The following GSG1L2 variants were observed in gnomAD, a reference collection of about 807,000 sequenced individuals.
The protein encoded by GSG1L2 is germ cell-specific gene 1-like protein 2.
GSG1L2 carries 15 observed loss-of-function variants against 9.0 expected under a neutral mutation model. The ratio of observed to expected loss-of-function variants is 1.67; its 90% CI spans 1.12 to 2.57. GSG1L2 has a LOEUF of 2.57. GSG1L2 is among the 30% of genes most tolerant of loss of function. GSG1L2 has a pLI of 0.00. For synonymous variants in GSG1L2, 127 were observed against 57.9 expected (o/e 2.19, Z -5.41); for missense variants, 286 against 150.3 (o/e 1.90, Z -4.72).
At chr17:9,812,293 C>T (rs2066542346) in intron 1 of GSG1L2, among the ~76,000 whole-genome samples, 1 of 151,910 alleles carries the variant, frequency 6.6e-6, no homozygotes, top group Non-Finnish European at 1.5e-5. Flanking sequence ...AGAGAAAACC[C>T]CAAGTAATTT....
Position 9,808,904 on chromosome 17 carries a change from C to T in GSG1L2, c.437G>A (p.Arg146Lys). ...GAACCCAGGGCTGCGACAACTCACT[C>T]TGGAGCCCAGGAGGATGGCGCTTGT... ...ILTSAILLGSRVSCRSPGFHW... is the reference protein window; with the variant it reads ...ILTSAILLGSKVSCRSPGFHW... Residue 146 changes from arginine to lysine, a missense_variant, in exon 3 of 5, where the codon AGA becomes AAA. By Grantham distance (26) the Arg-to-Lys change is conservative. Transcript: ENST00000399363. The T allele has an allele frequency of 1.4e-6, 1 of 703,036 alleles. No individual in the cohort carries two copies. The highest frequency in any genetic ancestry group is 1.5e-5 in the South Asian group (1 of 67,600). 43.5% of individuals were successfully genotyped at this position (703,036 alleles called of 1,614,324 possible).
At position 9,818,417 on chromosome 17, in the gene GSG1L2, T is replaced by G. The variant is rs1437959978; in HGVS notation, c.310+3345A>C. ...GGTGCGATCTCGGCTCACTGCAACC[T>G]CCGCCTCCTGGGTTCTAGCGATTCT... On this transcript the variant is annotated intron_variant, in intron 1 of 4. Coordinates refer to ENST00000399363, the MANE Select transcript of GSG1L2 (RefSeq NM_001310219.2). Among the ~76,000 whole-genome samples, 11 of 151,220 alleles carry G rather than the reference T, an allele frequency of 7.3e-5. No individual in the cohort carries two copies. The South Asian group carries it at 8.4e-4, about 12-fold the overall frequency.
intron 1 of GSG1L2, among the ~76,000 whole-genome samples, chr17:9,814,572 G>A (rs1364502826): frequency 1.3e-5 from 2 of 152,190 alleles, no homozygotes; most frequent in East Asian, 1.9e-4. Context: ...AGTTCAGCTT[G>A]GGCCCAGAGT....
chr17:9,813,114 C>T (rs542008336), intron 1 of GSG1L2, among the ~76,000 whole-genome samples: 3 of 152,310 alleles, frequency 2.0e-5, no homozygotes, highest in Non-Finnish European at 4.4e-5. Context: ...CCAGTCACAG[C>T]ACATGGGAAG....
intron 1 of GSG1L2, among the ~76,000 whole-genome samples, chr17:9,819,526 G>A (rs892556982): frequency 2.0e-5 from 3 of 152,224 alleles, no homozygotes; most frequent in South Asian, 4.1e-4. Context: ...GTGGGACTAA[G>A]TTATGGAGAA....
chr17:9,810,617 A>G lies in GSG1L2; in HGVS notation c.312T>C (p.Asp104=), dbSNP rs1010720456. Residue 104 remains aspartate (D), a splice_region_variant and synonymous_variant, in exon 2 of 5, where the codon GAT becomes GAC. Coordinates refer to ENST00000399363, the MANE Select transcript of GSG1L2 (RefSeq NM_001310219.2). ...QSCEESLNGE[D]EKCRSFRSVV... is the part of the protein sequence containing the mutation. Reference sequence around the variant, plus strand: ...CACTCCGGAAACTCCTACACTTTTCATCTGAAAGATAAAGAGAATGCATCC... The same window carrying G: ...CACTCCGGAAACTCCTACACTTTTCGTCTGAAAGATAAAGAGAATGCATCC... The G allele has an allele frequency of 1.0e-5, 7 of 702,922 alleles. No individual in the cohort carries two copies. The highest frequency in any genetic ancestry group is 3.5e-5 in the African/African-American group (2 of 57,266). The allele number at this position is 702,922 out of a possible 1,614,324, so 43.5% of individuals were successfully genotyped here. A position where few individuals can be genotyped will look rare whatever the true frequency, so the allele number is the denominator to read the frequency against.
rs757921577 is a variant in GSG1L2 at position 9,808,873 on chromosome 17, C to A, written c.468G>T (p.Trp156Cys). 18 of 702,846 alleles carry A rather than the reference C, an allele frequency of 2.6e-5. No homozygotes were observed. In the East Asian group the frequency reaches 4.6e-4, roughly 18 times the overall value. The allele number at this position is 702,846 out of a possible 1,614,324, so 43.5% of individuals were successfully genotyped here. Residue 156 changes from tryptophan to cysteine, a missense_variant, in exon 3 of 5, where the codon TGG becomes TGT. Trp to Cys is a radical substitution (Grantham distance 215). Coordinates refer to ENST00000399363, the MANE Select transcript of GSG1L2 (RefSeq NM_001310219.2). Reference protein sequence around the residue: ...RVSCRSPGFHWLRVDALVAIF... With the variant: ...RVSCRSPGFHCLRVDALVAIF... ...TGGCTACCAAGGCATCCACCCTGAG[C>A]CAGTGGAACCCAGGGCTGCGACAAC...
At chr17:9,814,033 C>G (rs964133172) in intron 1 of GSG1L2, among the ~76,000 whole-genome samples, 2 of 151,820 alleles carry the variant, frequency 1.3e-5, no homozygotes, top group Non-Finnish European at 1.5e-5. Context: ...CTCCCGGGTT[C>G]AAGCGATTCT....
At chr17:9,821,331 A>C (rs1159762887) in intron 1 of GSG1L2, among the ~76,000 whole-genome samples, 1 of 152,226 alleles carries the variant, frequency 6.6e-6, no homozygotes, top group African/African-American at 2.4e-5. Context: ...AATAACAGGG[A>C]TGCACCTTCG....
rs377057350 is a variant in GSG1L2 at position 9,818,501 on chromosome 17, ATTTTTTTTTTT to A, written c.310+3250_310+3260del. 5.6e-4 allele frequency among the ~76,000 whole-genome samples: 46 copies of A among 82,804 alleles called. 1 individual carries two copies. Among genetic ancestry groups the A allele is most frequent in the African/African-American group, 8.2e-4 (17 of 20,660 alleles). The allele number at this position is 82,804 out of a possible 152,430, so 54.3% of individuals were successfully genotyped here. A position where few individuals can be genotyped will look rare whatever the true frequency, so the allele number is the denominator to read the frequency against. ...GGTGCACACCACCACACACAGCTAA[ATTTTTTTTTTT>A]TTTTTTTTTTTTTTTTGTATTTTAG... On this transcript the variant is annotated intron_variant, in intron 1 of 4. Transcript: ENST00000399363.
intron 1 of GSG1L2, among the ~76,000 whole-genome samples, chr17:9,813,688 G>T (rs530718313): frequency 1.3e-5 from 2 of 152,134 alleles, no homozygotes; most frequent in South Asian, 4.1e-4. Flanking sequence ...CTTCTCTCAC[G>T]TCGCCTCATC....
rs567795717 is a variant in GSG1L2 at position 9,813,652 on chromosome 17, G to A, written c.311-3034C>T. 1.2e-3 allele frequency among the ~76,000 whole-genome samples: 177 copies of A among 149,294 alleles called. 1 individual carries two copies. Among genetic ancestry groups the A allele is most frequent in the Middle Eastern group, 3.4e-3 (1 of 292 alleles). On this transcript the variant is annotated intron_variant, in intron 1 of 4. Transcript: ENST00000399363. ...CAGTCCTCACACCCTGCTCTCTCTC[G>A]GAGAACTCGGGGGCTGATGCAGAGC...
At chr17:9,810,359 C>T in intron 2 of GSG1L2, 1 of 583,434 alleles carries the variant, frequency 1.7e-6, no homozygotes, top group South Asian at 2.1e-5. Flanking sequence ...CAGGGCTTCC[C>T]ATCCACCCTA....
rs2066519783 is a variant in GSG1L2 at position 9,807,396 on chromosome 17, A to G, written c.623+94T>C. The G allele has an allele frequency of 8.8e-6, 6 of 681,100 alleles. 1 individual carries two copies. The highest frequency in any genetic ancestry group is 4.1e-5 in the Admixed American group (2 of 49,036). The allele number at this position is 681,100 out of a possible 1,614,324, so 42.2% of individuals were successfully genotyped here. A position where few individuals can be genotyped will look rare whatever the true frequency, so the allele number is the denominator to read the frequency against. ...CACAATACTGGCAGATGCCAGCACT[A>G]TGACCAAGGTTGGTCATCCTACAAA... On this transcript the variant is annotated intron_variant, in intron 4 of 4. Transcript: ENST00000399363.
rs921644093 is a variant in GSG1L2, at chr17:9,800,796, T to C, written c.*1590A>G. 1.3e-5 allele frequency among the ~76,000 whole-genome samples: 2 copies of C among 152,152 alleles called. No homozygotes were observed. Among genetic ancestry groups the C allele is most frequent in the Non-Finnish European group, 2.9e-5 (2 of 68,028 alleles). ...GAATACATAGGGATGAAAAACCATATGAAAGAACCTGCACACTGCAAAGGG... is the reference window on the plus strand; with the variant it reads ...GAATACATAGGGATGAAAAACCATACGAAAGAACCTGCACACTGCAAAGGG... On this transcript the variant is annotated 3_prime_UTR_variant, in exon 5 of 5. Transcript: ENST00000399363.
intron 1 of GSG1L2, among the ~76,000 whole-genome samples, chr17:9,819,798 A>AT (rs766270848): frequency 1.4e-4 from 21 of 151,892 alleles, no homozygotes; most frequent in East Asian, 7.8e-4. Flanking sequence ...ACGCCCAGCT[A>AT]TTTTTTTGTA....
At chr17:9,810,307 G>A (rs2066534211) in intron 2 of GSG1L2, 3 of 540,620 alleles carry the variant, frequency 5.5e-6, no homozygotes, top group Non-Finnish European at 9.8e-6. Context: ...ATTGGCTATG[G>A]TGGGAATATT....
rs1409743252 is a variant in GSG1L2, at chr17:9,816,790, C to T, written c.310+4972G>A. On this transcript the variant is annotated intron_variant, in intron 1 of 4. Transcript: ENST00000399363. The stretch of plus-strand genomic sequence containing the variant: ...GTGTGTGCGTGTGTGTCTGTGTGTG[C>T]GTATCTGTGTATGTGTGTCTGTTGT... Among the ~76,000 whole-genome samples the T allele has an allele frequency of 8.8e-5, 12 of 136,886 alleles. No individual in the cohort carries two copies. In the South Asian group the frequency reaches 9.5e-4, roughly 11 times the overall value. The allele number at this position is 136,886 out of a possible 152,430, so 89.8% of individuals were successfully genotyped here.
chr17:9,816,574 C>CTATGTCTG, intron 1 of GSG1L2, among the ~76,000 whole-genome samples: 1 of 141,192 alleles, frequency 7.1e-6, no homozygotes, highest in African/African-American at 2.7e-5. Context: ...ATATCTGTGT[C>CTATGTCTG]TGTGTGTGCA....
Sources: allele counts gnomAD v4.1 joint callset (sites outside exome capture counted in the v4.1 genomes callset), GRCh38; gene constraint gnomAD v4.1.1; transcripts MANE v1.5; gene names NCBI Gene and HGNC (gene_info 2026-07-23, HGNC 2026-07-21).